UNC80: variants seen among roughly 807,000 people sequenced by gnomAD.
UNC80 encodes the protein protein unc-80 homolog.
In UNC80, 164 loss-of-function variants were observed where a neutral mutation model predicts 384.6. The ratio of observed to expected loss-of-function variants is 0.43; its 90% CI spans 0.38 to 0.49. The LOEUF (loss-of-function observed/expected upper bound fraction) is 0.49. UNC80 is among the 20% of genes least tolerant of loss of function. The pLI is 0.00. For missense variants in UNC80, 3,330 were observed against 4,143.0 expected (o/e 0.80, Z 5.39); for synonymous variants, 1,486 against 1,527.8 (o/e 0.97, Z 0.64).
At chr2:209,806,177 G>T (rs2153826660) in intron 7 of UNC80, among the ~76,000 whole-genome samples, 1 of 152,194 alleles carries the variant, frequency 6.6e-6, no homozygotes, top group African/African-American at 2.4e-5. Flanking sequence ...ATATTCATTA[G>T]CTTATATTTC....
In UNC80 at chr2:209,973,142, T is replaced by C; in HGVS notation, c.8459T>C (p.Ile2820Thr). Residue 2820 changes from isoleucine (I) to threonine (T), a missense_variant, in exon 56 of 65, where the codon ATC becomes ACC. By Grantham distance (89) the Ile-to-Thr change is moderately conservative. This residue lies in a region of UNC80 where 1,049 missense variants were observed against 1,488.6 expected (regional missense o/e 0.70). Transcript: ENST00000673920. ...AATGTACTCCTCCCACCGCGGATCA[T>C]CAGCACATCCAGGAGCAAGAACTTC... is the stretch of plus-strand genomic sequence containing the variant. ...VINVLLPPRI[I>T]STSRSKNFML... is the part of the protein sequence containing the mutation. 6.4e-7 allele frequency: 1 copy of C among 1,551,644 alleles called. No homozygotes were observed.
chr2:209,913,778 A>G (rs1048550599), intron 30 of UNC80, 24 bp from the exon 31 acceptor site: 10 of 1,535,318 alleles, frequency 6.5e-6, no homozygotes, highest in Non-Finnish European at 8.8e-6. Context: ...AAGATTTTAA[A>G]ACATGATTTC....
At chr2:209,913,966 G>T (rs1432124948) in intron 31 of UNC80, 26 bp downstream of exon 31, 1 of 1,520,296 alleles carries the variant, frequency 6.6e-7, no homozygotes, top group African/African-American at 1.4e-5. Flanking sequence ...CTGGAACCCT[G>T]TGCCTGCTGC....
At chr2:209,982,973 A>AG in intron 60 of UNC80, 1 of 135,814 alleles carries the variant, frequency 7.4e-6, no homozygotes, top group Non-Finnish European at 1.6e-5. Context: ...CACACACACA[A>AG]TGAAAGTATA....
chr2:209,833,378 A>G (rs186576467), intron 16 of UNC80, among the ~76,000 whole-genome samples: 22 of 152,202 alleles, frequency 1.4e-4, no homozygotes, highest in Non-Finnish European at 2.5e-4. Context: ...AAAGTCCAGC[A>G]TATATTTTTA....
chr2:209,959,057 C>T, intron 49 of UNC80, 62 bp from the exon 50 acceptor site: 1 of 1,438,006 alleles, frequency 7.0e-7, no homozygotes, highest in African/African-American at 1.4e-5. Context: ...CGATAAGAAG[C>T]CCCAACCAAA....
chr2:209,935,814 A>G lies in UNC80; in HGVS notation c.6273+6A>G. 6.5e-7 allele frequency: 1 copy of G among 1,528,042 alleles called. No individual in the cohort carries two copies. Among genetic ancestry groups the G allele is most frequent in the Non-Finnish European group, 8.8e-7 (1 of 1,133,848 alleles). 94.7% of individuals were successfully genotyped at this position (1,528,042 alleles called of 1,614,324 possible). A position where few individuals can be genotyped will look rare whatever the true frequency, so the allele number is the denominator to read the frequency against. On this transcript the variant is annotated splice_donor_region_variant and intron_variant, in intron 40 of 64. Transcript: ENST00000673920. ...AATTTGAAGCCCTGTTGAAGGTAGGAATGACTTTTAACAGAAACAATTTTT... is the reference window on the plus strand; with the variant it reads ...AATTTGAAGCCCTGTTGAAGGTAGGGATGACTTTTAACAGAAACAATTTTT...
At chr2:209,773,059 A>G in intron 1 of UNC80, 35 bp from the exon 2 acceptor site, 1 of 1,530,630 alleles carries the variant, frequency 6.5e-7, no homozygotes, top group Non-Finnish European at 9.0e-7. Context: ...AATTTTACTT[A>G]TGTTTATTAA....
In UNC80 at chr2:209,936,677, C is replaced by T. The variant is rs566611360; in HGVS notation, c.6274-167C>T. On this transcript the variant is annotated intron_variant, in intron 40 of 64. Transcript: ENST00000673920. ...GTGTGTGTATGTGTATACACATATA[C>T]ACACACACATATCTAACGTATACAG... Among the ~76,000 whole-genome samples, 322 of 152,038 alleles carry T rather than the reference C, an allele frequency of 2.1e-3. 2 individuals carry two copies. The highest frequency in any genetic ancestry group is 7.4e-3 in the African/African-American group (308 of 41,470).
intron 3 of UNC80, 67 bp from the exon 4 acceptor site, chr2:209,777,191 A>G (rs762558925): frequency 5.4e-6 from 8 of 1,471,232 alleles, no homozygotes; most frequent in South Asian, 2.7e-5. Flanking sequence ...TCCCAGACCC[A>G]TTGTTGACAT....
At chr2:209,789,169 T>A (rs563097638) in intron 5 of UNC80, among the ~76,000 whole-genome samples, 2 of 152,218 alleles carry the variant, frequency 1.3e-5, no homozygotes, top group Non-Finnish European at 2.9e-5. Context: ...AACAACACAT[T>A]TCTCAGAACG....
At chr2:209,837,606 T>C (rs2081412226) in intron 18 of UNC80, among the ~76,000 whole-genome samples, 1 of 152,172 alleles carries the variant, frequency 6.6e-6, no homozygotes, top group South Asian at 2.1e-4. Flanking sequence ...ATTTTTCATA[T>C]AATAGTCCTC....
rs138542040 is a variant in UNC80 at position 209,927,006 on chromosome 2, G to A, written c.5806+20G>A. On this transcript the variant is annotated intron_variant, in intron 36 of 64. Transcript: ENST00000673920. ...TAGCAGGTACAGTTTTGAACAGTCA[G>A]ATCATCAGTGACATTCTTAAGCTGT... is the stretch of plus-strand genomic sequence containing the variant. 5.2e-6 allele frequency: 8 copies of A among 1,550,656 alleles called. No individual in the cohort carries two copies. The African/African-American group carries it at 9.6e-5, about 19-fold the overall frequency.
chr2:209,899,825 A>G (rs1009707736), intron 28 of UNC80, among the ~76,000 whole-genome samples: 4 of 152,158 alleles, frequency 2.6e-5, no homozygotes, highest in Non-Finnish European at 5.9e-5. Flanking sequence ...CTTCTTAGCT[A>G]CTCAATCAGC....
In UNC80 at chr2:209,997,657, T is replaced by C. The variant is rs1031290291; in HGVS notation, c.*2062T>C. 1 of 152,208 alleles carries C rather than the reference T, an allele frequency of 6.6e-6. No individual in the cohort carries two copies. The highest frequency in any genetic ancestry group is 6.5e-5 in the Admixed American group (1 of 15,286). The allele number at this position is 152,208 out of a possible 1,614,324, so 9.4% of individuals were successfully genotyped here. A position where few individuals can be genotyped will look rare whatever the true frequency, so the allele number is the denominator to read the frequency against. The stretch of plus-strand genomic sequence containing the variant: ...TCTTTTAGCCTGACTCCTTCACTCT[T>C]GTGTGTGAAGTCTATTAGCAACTTT... On this transcript the variant is annotated 3_prime_UTR_variant, in exon 65 of 65. Transcript: ENST00000673920.
At chr2:209,963,108 C>G (rs1042409078) in intron 51 of UNC80, among the ~76,000 whole-genome samples, 1 of 152,240 alleles carries the variant, frequency 6.6e-6, no homozygotes, top group Non-Finnish European at 1.5e-5. Flanking sequence ...AGAAAATATT[C>G]TTGATTAGAG....
chr2:209,969,978 C>A, intron 53 of UNC80, 87 bp downstream of exon 53: 1 of 1,485,538 alleles, frequency 6.7e-7, no homozygotes, highest in Non-Finnish European at 9.0e-7. Context: ...ACAGGTCAAC[C>A]ACTTTGTGCC....
intron 47 of UNC80, among the ~76,000 whole-genome samples, chr2:209,950,729 T>G (rs1007690012): frequency 1.3e-5 from 2 of 152,168 alleles, no homozygotes; most frequent in African/African-American, 4.8e-5. Flanking sequence ...TGGCTAATTT[T>G]GTACTTTTAG....
intron 51 of UNC80, among the ~76,000 whole-genome samples, chr2:209,961,914 A>T (rs1263439907): frequency 1.3e-5 from 2 of 152,214 alleles, no homozygotes; most frequent in Non-Finnish European, 1.5e-5. Context: ...CCAAAAATAC[A>T]GGGGAAGCTC....
Sources: allele counts gnomAD v4.1 joint callset (sites outside exome capture counted in the v4.1 genomes callset), GRCh38; gene constraint gnomAD v4.1.1; regional missense constraint gnomAD v4.1.1; transcripts MANE v1.5; gene names NCBI Gene and HGNC (gene_info 2026-07-23, HGNC 2026-07-21).